WWOX: variants seen among roughly 807,000 people sequenced by gnomAD.
WWOX encodes WW domain containing oxidoreductase, also known as WW domain-containing oxidoreductase.
In WWOX, 69 loss-of-function variants were observed where a neutral mutation model predicts 46.2. The ratio of observed to expected loss-of-function variants is 1.49; its 90% CI spans 1.23 to 1.82. The LOEUF (loss-of-function observed/expected upper bound fraction) is 1.82, where lower values mean the gene tolerates loss of function less well. Ranked by LOEUF, WWOX falls within the 40% of genes most tolerant of loss-of-function variation. WWOX has a pLI of 0.00. For missense variants in WWOX, 919 were observed against 542.6 expected (o/e 1.69, Z -6.89); for synonymous variants, 359 against 202.6 (o/e 1.77, Z -6.56).
intron 8 of WWOX, among the ~76,000 whole-genome samples, chr16:78,550,360 T>C (rs983794078): frequency 2.0e-5 from 3 of 152,202 alleles, no homozygotes; most frequent in African/African-American, 7.2e-5. Flanking sequence ...TACTAAGCTA[T>C]CATGCATTAG....
intron 8 of WWOX, among the ~76,000 whole-genome samples, chr16:78,688,419 G>A: frequency 6.7e-6 from 1 of 148,908 alleles, no homozygotes; most frequent in East Asian, 2.0e-4. Flanking sequence ...AGGTCCTGAT[G>A]CACTAAGTCT....
intron 8 of WWOX, among the ~76,000 whole-genome samples, chr16:78,784,777 G>C (rs2050414116): frequency 1.3e-5 from 2 of 152,134 alleles, no homozygotes; most frequent in African/African-American, 4.8e-5. Context: ...TGCAAGGTCA[G>C]CTCCTGACCT....
chr16:78,952,937 A>T (rs994750217), intron 8 of WWOX, among the ~76,000 whole-genome samples: 1 of 152,156 alleles, frequency 6.6e-6, no homozygotes, highest in Non-Finnish European at 1.5e-5. Context: ...GGCTCAGAAG[A>T]TGGATGGGCC....
chr16:78,407,625 G>T (rs79311358), intron 6 of WWOX, among the ~76,000 whole-genome samples: 3,480 of 152,216 alleles, frequency 0.023, 56 homozygotes, highest in Middle Eastern at 0.085. Flanking sequence ...TGGGTTCCTT[G>T]AGTCGTAATG....
At chr16:78,945,797 G>C (rs1052654265) in intron 8 of WWOX, among the ~76,000 whole-genome samples, 2 of 152,042 alleles carry the variant, frequency 1.3e-5, no homozygotes, top group Non-Finnish European at 2.9e-5. Flanking sequence ...GTTCTTGGTA[G>C]ACAGAAGCTG....
rs567856945 is a variant in WWOX, at chr16:78,801,278, C to T, written c.1056+368526C>T. Reference sequence around the variant, plus strand: ...TAATCCCAGCTCTTTGGGAGGCCAACGCAGGTAGATCCCCTGAGGTTGGGA... The same window carrying T: ...TAATCCCAGCTCTTTGGGAGGCCAATGCAGGTAGATCCCCTGAGGTTGGGA... On this transcript the variant is annotated intron_variant, in intron 8 of 8. Coordinates refer to ENST00000566780, the MANE Select transcript of WWOX (RefSeq NM_016373.4). 6.6e-5 allele frequency among the ~76,000 whole-genome samples: 10 copies of T among 152,164 alleles called. No individual in the cohort carries two copies. In the East Asian group the frequency reaches 7.8e-4, roughly 12 times the overall value.
chr16:78,844,753 C>T (rs996987476), intron 8 of WWOX, among the ~76,000 whole-genome samples: 1 of 152,188 alleles, frequency 6.6e-6, no homozygotes, highest in Admixed American at 6.5e-5. Flanking sequence ...AACCCCAGTG[C>T]CATCCTCCTT....
At chr16:78,710,498 A>ATATATATATATATT (rs941311575) in intron 8 of WWOX, among the ~76,000 whole-genome samples, 3 of 132,826 alleles carry the variant, frequency 2.3e-5, no homozygotes, top group African/African-American at 5.7e-5. Flanking sequence ...ATATATATAT[A>ATATATATATATATT]TTTATATAAA....
chr16:78,462,978 C>T (rs771310143), intron 8 of WWOX, among the ~76,000 whole-genome samples: 1 of 152,182 alleles, frequency 6.6e-6, no homozygotes, highest in Non-Finnish European at 1.5e-5. Context: ...TTGTAAATGT[C>T]CTCTGATCTC....
intron 8 of WWOX, among the ~76,000 whole-genome samples, chr16:79,026,023 A>G (rs895886680): frequency 6.6e-6 from 1 of 151,386 alleles, no homozygotes; most frequent in African/African-American, 2.4e-5. Context: ...CTGGTCTCAA[A>G]TTCCTGGTCC....
At chr16:79,026,693 C>G (rs2047649876) in intron 8 of WWOX, among the ~76,000 whole-genome samples, 1 of 146,626 alleles carries the variant, frequency 6.8e-6, no homozygotes, top group Non-Finnish European at 1.5e-5. Context: ...TCTCAGCTCA[C>G]TGCAACCTCC....
At chr16:79,075,701 C>G (rs535464411) in intron 8 of WWOX, among the ~76,000 whole-genome samples, 11 of 152,104 alleles carry the variant, frequency 7.2e-5, no homozygotes, top group Admixed American at 6.5e-4. Context: ...TATAGGTGTA[C>G]ATCACCACAC....
intron 8 of WWOX, among the ~76,000 whole-genome samples, chr16:79,130,016 G>A (rs1326342849): frequency 6.6e-6 from 1 of 152,254 alleles, no homozygotes; most frequent in East Asian, 1.9e-4. Flanking sequence ...TTTACAGAGA[G>A]CTTACTCCTT....
intron 8 of WWOX, among the ~76,000 whole-genome samples, chr16:78,997,088 C>T (rs2047005041): frequency 1.3e-5 from 2 of 151,994 alleles, no homozygotes; most frequent in South Asian, 2.1e-4. Context: ...ATACCATCTG[C>T]TTTTCCAATC....
chr16:78,545,433 G>T (rs1036230716), intron 8 of WWOX, among the ~76,000 whole-genome samples: 3 of 152,068 alleles, frequency 2.0e-5, no homozygotes, highest in African/African-American at 7.2e-5. Flanking sequence ...GCCCAGGTTG[G>T]CCTCAAAGTC....
At chr16:78,352,600 T>C (rs2081207779) in intron 5 of WWOX, among the ~76,000 whole-genome samples, 1 of 152,198 alleles carries the variant, frequency 6.6e-6, no homozygotes, top group Admixed American at 6.5e-5. Flanking sequence ...GAGTCTACCC[T>C]GATAATCTGG....
At chr16:78,528,441 C>G (rs1348219512) in intron 8 of WWOX, among the ~76,000 whole-genome samples, 7 of 151,832 alleles carry the variant, frequency 4.6e-5, no homozygotes, top group Non-Finnish European at 1.0e-4. Context: ...ATTCAAGGTG[C>G]TAATTAGGGT....
At chr16:78,739,132 A>T (rs896711692) in intron 8 of WWOX, among the ~76,000 whole-genome samples, 7 of 152,232 alleles carry the variant, frequency 4.6e-5, no homozygotes, top group Non-Finnish European at 8.8e-5. Flanking sequence ...GGCCAGTGGT[A>T]ACCTCTGAGT....
chr16:78,351,626 C>T (rs2081186073), intron 5 of WWOX, among the ~76,000 whole-genome samples: 1 of 152,138 alleles, frequency 6.6e-6, no homozygotes, highest in Non-Finnish European at 1.5e-5. Context: ...GCACATAGCT[C>T]CTGAATATCA....
Sources: gnomAD v4.1 joint callset for allele counts (sites outside exome capture counted in the v4.1 genomes callset) on GRCh38, gnomAD v4.1.1 for gene constraint, MANE v1.5 for transcripts, NCBI Gene and HGNC (gene_info 2026-07-23, HGNC 2026-07-21) for gene names.